The following UNC119 variants were observed in gnomAD, a reference collection of about 807,000 sequenced individuals.
UNC119 encodes protein unc-119 homolog A.
In UNC119, 15 loss-of-function variants were observed where a neutral mutation model predicts 22.6. That is an observed-to-expected ratio of 0.66 (90% CI 0.44 to 1.02). The LOEUF is 1.02. UNC119 is among the 50% of genes least tolerant of loss of function. The pLI is 0.00. For synonymous variants in UNC119, 138 were observed against 139.4 expected (o/e 0.99, Z 0.07); for missense variants, 322 against 336.0 (o/e 0.96, Z 0.33).
Position 28,546,897 on chromosome 17 carries a change from T to A in UNC119, c.*400A>T, listed in dbSNP as rs879450173. ...AGCTGGAGCCCACCGTGGATCTTTG[T>A]AAATTTACAACTCTAAATGGCCTGA... On this transcript the variant is annotated 3_prime_UTR_variant, in exon 5 of 5. Coordinates refer to ENST00000335765, the MANE Select transcript of UNC119 (RefSeq NM_005148.4). 2 of 314,330 alleles carry A rather than the reference T, an allele frequency of 6.4e-6. No homozygotes were observed. The highest frequency in any genetic ancestry group is 1.3e-5 in the Non-Finnish European group (2 of 157,784). 19.5% of individuals were successfully genotyped at this position (314,330 alleles called of 1,614,324 possible).
At position 28,547,846 on chromosome 17, in the gene UNC119, C is replaced by T. The variant is rs147956652; in HGVS notation, c.441G>A (p.Val147=). The change falls in exon 4 of 5, where the codon GTG becomes GTA. Residue 147 remains valine (V), a synonymous_variant. Transcript: ENST00000335765. ...FLRLRQVGAT[V]EFTVGDKPVN... The stretch of plus-strand genomic sequence containing the variant: ...CAGGCTTGTCTCCCACTGTGAACTC[C>T]ACCCTGAGCAAGAAAAGGAGGCAGG... 3 of 1,614,022 alleles carry T rather than the reference C, an allele frequency of 1.9e-6. No homozygotes were observed. Among genetic ancestry groups the T allele is most frequent in the Non-Finnish European group, 2.5e-6 (3 of 1,180,004 alleles).
chr17:28,547,309 G>A lies in UNC119; in HGVS notation c.711C>T (p.Ser237=), dbSNP rs767981770. Reference sequence around the variant, plus strand: ...GGCAGCCGTGGGGTCAGGGTGTCCCGCTGTAGGAATAGTCTGCTTTATTGT... The same window carrying A: ...GGCAGCCGTGGGGTCAGGGTGTCCCACTGTAGGAATAGTCTGCTTTATTGT... ...VMHNKADYSY[S]GTP is the part of the protein sequence containing the mutation. The change falls in exon 5 of 5, where the codon AGC becomes AGT. Residue 237 remains serine, a synonymous_variant. Coordinates refer to ENST00000335765, the MANE Select transcript of UNC119 (RefSeq NM_005148.4). 25 of 1,613,992 alleles carry A rather than the reference G, an allele frequency of 1.5e-5. No individual in the cohort carries two copies. The highest frequency in any genetic ancestry group is 6.7e-5 in the East Asian group (3 of 44,892).
intron 2 of UNC119, 53 bp downstream of exon 2, chr17:28,548,539 C>T (rs2070236910): frequency 1.3e-6 from 2 of 1,482,218 alleles, no homozygotes; most frequent in East Asian, 4.5e-5. Flanking sequence ...CTGGGCAGCC[C>T]ACTCCGCAGC....
chr17:28,548,313 A>G (rs1403452755), intron 2 of UNC119: 1 of 624,124 alleles, frequency 1.6e-6, no homozygotes, highest in Non-Finnish European at 2.8e-6. Flanking sequence ...CCCGGGCCAC[A>G]GGATGCTGAG....
chr17:28,552,607 G>A lies in UNC119; in HGVS notation c.-50C>T, dbSNP rs767158296. On this transcript the variant is annotated 5_prime_UTR_variant, in exon 1 of 5. Transcript: ENST00000335765. Reference sequence around the variant, plus strand: ...TGCTGCTGCCGCCGCTGCCTGCGCCGGCTGGAGCCGGGGGAAGTGGGAGCA... The same window carrying A: ...TGCTGCTGCCGCCGCTGCCTGCGCCAGCTGGAGCCGGGGGAAGTGGGAGCA... 4 of 1,458,800 alleles carry A rather than the reference G, an allele frequency of 2.7e-6. No homozygotes were observed. Among genetic ancestry groups the A allele is most frequent in the African/African-American group, 3.0e-5 (2 of 67,490 alleles). 90.4% of individuals were successfully genotyped at this position (1,458,800 alleles called of 1,614,324 possible). A position where few individuals can be genotyped will look rare whatever the true frequency, so the allele number is the denominator to read the frequency against.
At chr17:28,548,442 A>G in intron 2 of UNC119, 150 bp downstream of exon 2, 1 of 681,000 alleles carries the variant, frequency 1.5e-6, no homozygotes, top group Admixed American at 2.8e-5. Flanking sequence ...TGGGAAGGAA[A>G]AGAAAGGGCC....
chr17:28,548,885 G>A (rs751392609), intron 1 of UNC119, 180 bp from the exon 2 acceptor site: 84 of 578,728 alleles, frequency 1.5e-4, no homozygotes, highest in Non-Finnish European at 9.0e-5. Flanking sequence ...ACATAACTCC[G>A]CCATGGGGAT....
chr17:28,549,149 C>T (rs757355446), intron 1 of UNC119: 7 of 173,496 alleles, frequency 4.0e-5, no homozygotes, highest in Non-Finnish European at 7.6e-5. Context: ...TCTACTGCAA[C>T]TCAGTGTATC....
chr17:28,552,288 C>A, intron 1 of UNC119, 50 bp downstream of exon 1: 1 of 1,506,730 alleles, frequency 6.6e-7, no homozygotes, highest in Non-Finnish European at 8.9e-7. Flanking sequence ...GGGCCCCTCG[C>A]ACCCTCTCCC....
At chr17:28,552,104 A>G in intron 1 of UNC119, 1 of 699,990 alleles carries the variant, frequency 1.4e-6, no homozygotes, top group South Asian at 1.5e-5. Context: ...TGGAAAAGGA[A>G]GGAATAAATC....
At chr17:28,550,234 T>C (rs1349563483) in intron 1 of UNC119, 2 of 152,166 alleles carry the variant, frequency 1.3e-5, no homozygotes, top group Non-Finnish European at 2.9e-5. Context: ...TATAAAGACA[T>C]AGAAAGAAGG....
rs368454759 is a variant in UNC119 at position 28,547,421 on chromosome 17, G to A, written c.611-12C>T. The A allele has an allele frequency of 1.0e-4, 165 of 1,613,822 alleles. No individual in the cohort carries two copies. The highest frequency in any genetic ancestry group is 1.3e-4 in the Non-Finnish European group (159 of 1,179,908). On this transcript the variant is annotated splice_polypyrimidine_tract_variant and intron_variant, in intron 4 of 4. Coordinates refer to ENST00000335765, the MANE Select transcript of UNC119 (RefSeq NM_005148.4). Reference sequence around the variant, plus strand: ...GATCATCTCGCTGACTGCAAGAGAGGCCCAGCCAGGCCGGGCAAAGGTCAG... The same window carrying A: ...GATCATCTCGCTGACTGCAAGAGAGACCCAGCCAGGCCGGGCAAAGGTCAG...
At position 28,547,365 on chromosome 17, in the gene UNC119, A is replaced by C. The variant is rs777445873; in HGVS notation, c.655T>G (p.Phe219Val). ...RHPYETQSDS[F>V]YFVDDRLVMH... ...ACCAGCCGGTCATCCACGAAGTAGA[A>C]GCTGTCAGACTGGGTCTCATACGGG... Residue 219 changes from phenylalanine to valine, a missense_variant, in exon 5 of 5, where the codon TTC becomes GTC. Coordinates refer to ENST00000335765, the MANE Select transcript of UNC119 (RefSeq NM_005148.4). The C allele has an allele frequency of 1.2e-6, 2 of 1,614,066 alleles. No homozygotes were observed. The highest frequency in any genetic ancestry group is 2.7e-5 in the African/African-American group (2 of 74,924).
rs147732652 is a variant in UNC119 at position 28,548,692 on chromosome 17, G to A, written c.234C>T (p.Ser78=). The part of the protein sequence containing the change: ...LQRITGDYLC[S]PEENIYKIDF... Reference sequence around the variant, plus strand: ...CGATCTTGTAGATATTCTCCTCAGGGGAGCAGAGGTAGTCTAGGGGAAACA... The same window carrying A: ...CGATCTTGTAGATATTCTCCTCAGGAGAGCAGAGGTAGTCTAGGGGAAACA... Residue 78 remains serine (S), a synonymous_variant, in exon 2 of 5, where the codon TCC becomes TCT. Coordinates refer to ENST00000335765, the MANE Select transcript of UNC119 (RefSeq NM_005148.4). 443 of 1,613,980 alleles carry A rather than the reference G, an allele frequency of 2.7e-4. 4 individuals are homozygous for A. The East Asian group carries it at 8.3e-3, about 30-fold the overall frequency.
At position 28,552,579 on chromosome 17, in the gene UNC119, G is replaced by T; in HGVS notation, c.-22C>A. 2 of 1,486,640 alleles carry T rather than the reference G, an allele frequency of 1.3e-6. No homozygotes were observed. Among genetic ancestry groups the T allele is most frequent in the Non-Finnish European group, 1.8e-6 (2 of 1,125,816 alleles). 92.1% of individuals were successfully genotyped at this position (1,486,640 alleles called of 1,614,324 possible). On this transcript the variant is annotated 5_prime_UTR_variant, in exon 1 of 5. Transcript: ENST00000335765. ...TCATGGCCTTGCGGGGCCGAGGCTC[G>T]CCTGCTGCTGCCGCCGCTGCCTGCG... is the stretch of plus-strand genomic sequence containing the variant.
At chr17:28,551,884 T>C (rs1057182000) in intron 1 of UNC119, 6 of 296,200 alleles carry the variant, frequency 2.0e-5, no homozygotes, top group African/African-American at 1.2e-4. Context: ...GTATTAATGG[T>C]TGGGGAGACA....
intron 1 of UNC119, 31 bp from the exon 2 acceptor site, chr17:28,548,736 G>T (rs746023019): frequency 6.3e-7 from 1 of 1,579,518 alleles, no homozygotes; most frequent in Non-Finnish European, 8.7e-7. Context: ...AGCAAGGAAG[G>T]GGCCGCAAAG....
Position 28,547,769 on chromosome 17 carries a change from T to C in UNC119, c.518A>G (p.Lys173Arg). 6.2e-7 allele frequency: 1 copy of C among 1,614,182 alleles called. No individual in the cohort carries two copies. The highest frequency in any genetic ancestry group is 1.1e-5 in the South Asian group (1 of 91,086). ...ERHYFRNQLL[K>R]SFDFHFGFCI... is the part of the protein sequence containing the mutation. ...GAAGCCAAAGTGGAAGTCGAAGCTT[T>C]TGAGTAGCTGGTTGCGGAAGTAGTG... The change falls in exon 4 of 5, where the codon AAA becomes AGA. Residue 173 changes from lysine (K) to arginine (R), a missense_variant. Lys to Arg is a conservative substitution (Grantham distance 26, BLOSUM62 2). Transcript: ENST00000335765.
intron 1 of UNC119, 149 bp downstream of exon 1, chr17:28,552,189 G>T (rs948998671): frequency 1.3e-6 from 1 of 741,280 alleles, no homozygotes. Context: ...CCTGGCGGCA[G>T]AAGGGAGAGC....
Sources: gnomAD v4.1 joint callset for allele counts on GRCh38, gnomAD v4.1.1 for gene constraint, MANE v1.5 for transcripts, NCBI Gene and HGNC (gene_info 2026-07-23, HGNC 2026-07-21) for gene names.